Variants in UBE2E1 observed in about 807,000 individuals in gnomAD.
UBE2E1 encodes the protein ubiquitin conjugating enzyme E2 E1.
A neutral mutation model predicts 21.4 loss-of-function variants in UBE2E1; 6 were observed. That is an observed-to-expected ratio of 0.28 (90% CI 0.15 to 0.55). The LOEUF (loss-of-function observed/expected upper bound fraction) is 0.55. UBE2E1 is among the 20% of genes least tolerant of loss of function. The pLI is 0.93. For missense variants in UBE2E1, 142 were observed against 236.5 expected (o/e 0.60, Z 2.62); for synonymous variants, 87 against 82.7 (o/e 1.05, Z -0.28).
At chr3:23,834,101 T>G (rs1330690441) in intron 3 of UBE2E1, among the ~76,000 whole-genome samples, 1 of 152,228 alleles carries the variant, frequency 6.6e-6, no homozygotes, top group Non-Finnish European at 1.5e-5. Context: ...AGGTTAACTC[T>G]TGGTCCATTA....
intron 4 of UBE2E1, chr3:23,888,355 C>T: frequency 2.4e-6 from 1 of 411,502 alleles, no homozygotes; most frequent in South Asian, 1.7e-5. Context: ...AGGTAGACTG[C>T]CAGATAAAAG....
At chr3:23,861,206 T>A (rs1325681287) in intron 3 of UBE2E1, among the ~76,000 whole-genome samples, 1 of 152,218 alleles carries the variant, frequency 6.6e-6, no homozygotes. Context: ...TAGTTATGAT[T>A]TCCCCAGAGA....
intron 3 of UBE2E1, among the ~76,000 whole-genome samples, chr3:23,865,439 A>T (rs1248317375): frequency 2.0e-5 from 3 of 152,062 alleles, no homozygotes; most frequent in South Asian, 4.1e-4. Context: ...CTGCAGCCTC[A>T]ACTTCCTAGG....
intron 3 of UBE2E1, among the ~76,000 whole-genome samples, chr3:23,833,978 CAAAAAA>C (rs200599796): frequency 1.4e-5 from 2 of 145,880 alleles, no homozygotes; most frequent in Non-Finnish European, 3.0e-5. Flanking sequence ...AGCCCTGTCT[CAAAAAA>C]AAATAAAAAT....
intron 3 of UBE2E1, among the ~76,000 whole-genome samples, chr3:23,831,779 C>T (rs1699871706): frequency 1.3e-5 from 2 of 151,936 alleles, no homozygotes; most frequent in Non-Finnish European, 2.9e-5. Flanking sequence ...TCAGTGCAAC[C>T]TCTGCCTTCC....
intron 3 of UBE2E1, among the ~76,000 whole-genome samples, chr3:23,866,669 CATT>C (rs10531338): frequency 0.52 from 78,614 of 151,630 alleles, 20,613 homozygotes; most frequent in Middle Eastern, 0.62. Flanking sequence ...GGAGTTGTCA[CATT>C]ATTATCGAAA....
intron 3 of UBE2E1, among the ~76,000 whole-genome samples, chr3:23,813,357 A>C (rs1032583702): frequency 1.3e-5 from 2 of 152,190 alleles, no homozygotes; most frequent in African/African-American, 4.8e-5. Flanking sequence ...CCGTTTGAGT[A>C]ATGTGAATTA....
rs182002452 is a variant in UBE2E1 at position 23,868,449 on chromosome 3, C to T, written c.204-19118C>T. Among the ~76,000 whole-genome samples the T allele has an allele frequency of 7.2e-5, 11 of 152,160 alleles. No individual in the cohort carries two copies. The East Asian group carries it at 2.1e-3, about 29-fold the overall frequency. On this transcript the variant is annotated intron_variant, in intron 3 of 5. Coordinates refer to ENST00000306627, the MANE Select transcript of UBE2E1 (RefSeq NM_003341.5). ...TCAGCCTCCTGAGTAGCTGGGACTA[C>T]AGGCGCCCACTAACACACCCGGCTA...
chr3:23,842,246 T>TGTGTG lies in UBE2E1; in HGVS notation c.203+30739_203+30740insTGGTG, dbSNP rs759418034. On this transcript the variant is annotated intron_variant, in intron 3 of 5. Coordinates refer to ENST00000306627, the MANE Select transcript of UBE2E1 (RefSeq NM_003341.5). This position sits in a 1 kb window ranked among gnomAD's most constrained non-coding sequence, Gnocchi z 4.6. ...GTGTGTGTGTGTGTGTGTGTGTGTG[T>TGTGTG]GTGGTGTTGTTGTTGTTGGCGACAG... 1.6e-3 allele frequency among the ~76,000 whole-genome samples: 60 copies of TGTGTG among 36,752 alleles called. 1 individual carries two copies. Among genetic ancestry groups the TGTGTG allele is most frequent in the African/African-American group, 4.2e-3 (53 of 12,750 alleles). 24.1% of individuals were successfully genotyped at this position (36,752 alleles called of 152,430 possible).
At chr3:23,849,100 G>C (rs1700269139) in intron 3 of UBE2E1, among the ~76,000 whole-genome samples, 1 of 152,092 alleles carries the variant, frequency 6.6e-6, no homozygotes, top group Non-Finnish European at 1.5e-5. Context: ...TTTTTGCATG[G>C]CTATATTTTA....
Position 23,887,852 on chromosome 3 carries a change from G to A in UBE2E1, c.336+153G>A. 1 of 1,083,336 alleles carries A rather than the reference G, an allele frequency of 9.2e-7. No individual in the cohort carries two copies. Among genetic ancestry groups the A allele is most frequent in the Non-Finnish European group, 1.3e-6 (1 of 786,584 alleles). The allele number at this position is 1,083,336 out of a possible 1,614,324, so 67.1% of individuals were successfully genotyped here. ...TTAACATATACAAAACACTTCTTTA[G>A]GTTGATTTTGCCTTATCTGGCAGAG... On this transcript the variant is annotated intron_variant, in intron 4 of 5. Coordinates refer to ENST00000306627, the MANE Select transcript of UBE2E1 (RefSeq NM_003341.5). The surrounding 1 kb of genome is among the most constrained non-coding windows in gnomAD (Gnocchi z 4.4).
rs1220613753 is a variant in UBE2E1, at chr3:23,887,673, C to A, written c.310C>A (p.Pro104Thr). 6.2e-7 allele frequency: 1 copy of A among 1,613,516 alleles called. No homozygotes were observed. The highest frequency in any genetic ancestry group is 8.5e-7 in the Non-Finnish European group (1 of 1,179,924). The stretch of plus-strand genomic sequence containing the variant: ...ATTCTTTCTCGATATCACTTTTACA[C>A]CAGAATATCCCTTCAAGCCTCCAAA... ...GVFFLDITFT[P>T]EYPFKPPKVT... Residue 104 changes from proline (P) to threonine (T), a missense_variant, in exon 4 of 6, where the codon CCA (proline) becomes ACA (threonine). By Grantham distance (38) the Pro-to-Thr change is conservative. Coordinates refer to ENST00000306627, the MANE Select transcript of UBE2E1 (RefSeq NM_003341.5). This position sits in a 1 kb window ranked among gnomAD's most constrained non-coding sequence, Gnocchi z 4.4.
chr3:23,886,021 A>G (rs1559495933), intron 3 of UBE2E1, among the ~76,000 whole-genome samples: 1 of 151,878 alleles, frequency 6.6e-6, no homozygotes, highest in South Asian at 2.1e-4. Flanking sequence ...ACATAGAGAG[A>G]CCCCCATCTA....
At chr3:23,832,594 G>C (rs1414036581) in intron 3 of UBE2E1, among the ~76,000 whole-genome samples, 1 of 152,294 alleles carries the variant, frequency 6.6e-6, no homozygotes, top group South Asian at 2.1e-4. Flanking sequence ...GCAGTCAGCC[G>C]AGAGAGAATC....
At chr3:23,877,822 C>T (rs1262060689) in intron 3 of UBE2E1, among the ~76,000 whole-genome samples, 1 of 152,222 alleles carries the variant, frequency 6.6e-6, no homozygotes, top group African/African-American at 2.4e-5. Context: ...TTCCAAGTGC[C>T]AGTTCTTTAT....
chr3:23,825,066 T>C (rs1699727053), intron 3 of UBE2E1, among the ~76,000 whole-genome samples: 1 of 152,262 alleles, frequency 6.6e-6, no homozygotes, highest in African/African-American at 2.4e-5. Context: ...TTTAAAAATA[T>C]GTAACATACT....
intron 3 of UBE2E1, among the ~76,000 whole-genome samples, chr3:23,856,602 A>G (rs1053079953): frequency 6.6e-6 from 1 of 152,202 alleles, no homozygotes; most frequent in Non-Finnish European, 1.5e-5. Flanking sequence ...AATGCTTAGT[A>G]AAGCCACTAT....
chr3:23,862,615 T>C (rs895043645), intron 3 of UBE2E1, among the ~76,000 whole-genome samples: 2 of 152,238 alleles, frequency 1.3e-5, no homozygotes, highest in Admixed American at 6.5e-5. Context: ...AGATGATCAT[T>C]TGGAAAAATA....
chr3:23,849,377 A>G (rs561834563), intron 3 of UBE2E1, among the ~76,000 whole-genome samples: 87 of 152,308 alleles, frequency 5.7e-4, no homozygotes, highest in Admixed American at 3.9e-4. Context: ...TTTGGGATAC[A>G]TGTGCAGAAT....
Sources: gnomAD v4.1 joint callset for allele counts (sites outside exome capture counted in the v4.1 genomes callset) on GRCh38, gnomAD v4.1.1 for gene constraint, Gnocchi (gnomAD v3.1) non-coding constraint, MANE v1.5 for transcripts, NCBI Gene and HGNC (gene_info 2026-07-23, HGNC 2026-07-21) for gene names.